Variants in TESK2 observed in about 807,000 individuals in gnomAD.
TESK2 encodes the protein testis associated actin remodelling kinase 2, also known as dual specificity testis-specific protein kinase 2.
TESK2 carries 39 observed loss-of-function variants against 57.1 expected under a neutral mutation model. That is an observed-to-expected ratio of 0.68 (90% confidence interval 0.53 to 0.89). TESK2 has a LOEUF of 0.89. Ranked by LOEUF, TESK2 falls within the 40% of genes least tolerant of loss-of-function variation. The pLI is 0.00. For missense variants in TESK2, 646 were observed against 732.1 expected (o/e 0.88, Z 1.36); for synonymous variants, 249 against 267.9 (o/e 0.93, Z 0.69).
chr1:45,415,352 G>T, intron 3 of TESK2: 1 of 1,037,812 alleles, frequency 9.6e-7, no homozygotes. Context: ...TAATAAATTT[G>T]ACTTGTGTTT....
rs549182244 is a variant in TESK2 at position 45,425,684 on chromosome 1, A to T, written c.223-3838T>A. ...AAACAAAAAAGTTCTCTACAATGAA[A>T]GTTATAAAACATTGATGTAAGAAAC... On this transcript the variant is annotated intron_variant, in intron 2 of 10. Coordinates refer to ENST00000372086, the MANE Select transcript of TESK2 (RefSeq NM_007170.3). 8.1e-4 allele frequency among the ~76,000 whole-genome samples: 123 copies of T among 152,212 alleles called. 1 individual carries two copies. Among genetic ancestry groups the T allele is most frequent in the African/African-American group, 1.0e-3 (43 of 41,542 alleles).
At chr1:45,484,432 C>T (rs1046878873) in intron 1 of TESK2, among the ~76,000 whole-genome samples, 7 of 151,842 alleles carry the variant, frequency 4.6e-5, no homozygotes, top group Admixed American at 3.3e-4. Flanking sequence ...TGTAAGCATT[C>T]GCCTAAAGAA....
At chr1:45,393,081 T>C (rs1195646614) in intron 3 of TESK2, among the ~76,000 whole-genome samples, 1 of 152,178 alleles carries the variant, frequency 6.6e-6, no homozygotes, top group Non-Finnish European at 1.5e-5. Context: ...AGTCAGGCAA[T>C]AGGATTCTAC....
In TESK2 at chr1:45,471,554, C is replaced by T. The variant is rs550049326; in HGVS notation, c.-86-13683G>A. Among the ~76,000 whole-genome samples, 9 of 152,004 alleles carry T rather than the reference C, an allele frequency of 5.9e-5. No individual in the cohort carries two copies. In the South Asian group the frequency reaches 1.5e-3, roughly 25 times the overall value. ...CCGAGTGGCTGGGACTACAGGCACG[C>T]ACCACTATGCCCAGATAATTTTTTT... On this transcript the variant is annotated intron_variant, in intron 1 of 10. Transcript: ENST00000372086.
intron 2 of TESK2, among the ~76,000 whole-genome samples, chr1:45,446,139 G>A (rs1251809324): frequency 2.0e-5 from 3 of 148,096 alleles, no homozygotes; most frequent in Non-Finnish European, 4.5e-5. Context: ...CACTTAAGCT[G>A]TTTCAAAGCA....
chr1:45,478,807 T>A (rs774234638), intron 1 of TESK2, among the ~76,000 whole-genome samples: 2 of 151,576 alleles, frequency 1.3e-5, no homozygotes, highest in Non-Finnish European at 2.9e-5. Flanking sequence ...CACTGCAACC[T>A]CTGCCTCCTG....
In TESK2 at chr1:45,449,005, A is replaced by G. The variant is rs539974354; in HGVS notation, c.222+8559T>C. ...GGTGGAAGGCTGAGGCAGGTGGATCACAAGGTCAGGAGTTCAAGACCAGCC... is the reference window on the plus strand; with the variant it reads ...GGTGGAAGGCTGAGGCAGGTGGATCGCAAGGTCAGGAGTTCAAGACCAGCC... On this transcript the variant is annotated intron_variant, in intron 2 of 10. Coordinates refer to ENST00000372086, the MANE Select transcript of TESK2 (RefSeq NM_007170.3). 9.9e-5 allele frequency among the ~76,000 whole-genome samples: 15 copies of G among 152,170 alleles called. No individual in the cohort carries two copies. The East Asian group carries it at 2.7e-3, about 27-fold the overall frequency.
intron 1 of TESK2, among the ~76,000 whole-genome samples, chr1:45,464,828 C>T (rs895669861): frequency 6.6e-6 from 1 of 152,212 alleles, no homozygotes; most frequent in Non-Finnish European, 1.5e-5. Flanking sequence ...TGGCAGGGCA[C>T]AGTGGCTAAC....
chr1:45,457,881 T>C lies in TESK2; in HGVS notation c.-86-10A>G, dbSNP rs767280473. On this transcript the variant is annotated splice_polypyrimidine_tract_variant and intron_variant, in intron 1 of 10. Coordinates refer to ENST00000372086, the MANE Select transcript of TESK2 (RefSeq NM_007170.3). Reference sequence around the variant, plus strand: ...CTCTTCTGGTTTGACACTAAAGAGATCAAAAAAATTTCCACTGAAATCTTT... The same window carrying C: ...CTCTTCTGGTTTGACACTAAAGAGACCAAAAAAATTTCCACTGAAATCTTT... The C allele has an allele frequency of 2.9e-5, 29 of 1,012,250 alleles. No homozygotes were observed. The highest frequency in any genetic ancestry group is 3.9e-5 in the Non-Finnish European group (27 of 691,148). The allele number at this position is 1,012,250 out of a possible 1,614,324, so 62.7% of individuals were successfully genotyped here. A position where few individuals can be genotyped will look rare whatever the true frequency, so the allele number is the denominator to read the frequency against.
At chr1:45,349,755 C>T (rs1647205684) in intron 5 of TESK2, among the ~76,000 whole-genome samples, 1 of 152,254 alleles carries the variant, frequency 6.6e-6, no homozygotes, top group African/African-American at 2.4e-5. Context: ...GCCTCTGTAT[C>T]TGTAACCTAG....
intron 3 of TESK2, among the ~76,000 whole-genome samples, chr1:45,414,431 T>C (rs1650157446): frequency 1.3e-5 from 2 of 152,156 alleles, no homozygotes; most frequent in Non-Finnish European, 2.9e-5. Context: ...ATTTGTGGGC[T>C]TATTGGGAAG....
chr1:45,387,515 T>G (rs1446776723), intron 3 of TESK2, among the ~76,000 whole-genome samples: 1 of 151,554 alleles, frequency 6.6e-6, no homozygotes, highest in Non-Finnish European at 1.5e-5. Flanking sequence ...ACAAGCAGAG[T>G]GTAAGGCACA....
At chr1:45,453,222 C>T (rs1450300014) in intron 2 of TESK2, among the ~76,000 whole-genome samples, 1 of 151,352 alleles carries the variant, frequency 6.6e-6, no homozygotes, top group East Asian at 1.9e-4. Flanking sequence ...TGCTGTGTGT[C>T]TGTAGTCCCA....
intron 1 of TESK2, among the ~76,000 whole-genome samples, chr1:45,485,724 T>C (rs1174939445): frequency 1.3e-5 from 2 of 150,510 alleles, no homozygotes; most frequent in Non-Finnish European, 3.0e-5. Flanking sequence ...TTTCACCATC[T>C]TGGCCAGGCT....
chr1:45,444,132 T>A (rs1651558018), intron 2 of TESK2, among the ~76,000 whole-genome samples: 1 of 149,548 alleles, frequency 6.7e-6, no homozygotes, highest in African/African-American at 2.5e-5. Flanking sequence ...TGAGTTATGA[T>A]CATGCTACTG....
chr1:45,462,552 G>A (rs1462214265), intron 1 of TESK2, among the ~76,000 whole-genome samples: 1 of 152,188 alleles, frequency 6.6e-6, no homozygotes, highest in Admixed American at 6.5e-5. Context: ...GATTACAGGC[G>A]TGAGCCACCG....
chr1:45,460,634 G>A (rs1570753254), intron 1 of TESK2, among the ~76,000 whole-genome samples: 1 of 152,078 alleles, frequency 6.6e-6, no homozygotes, highest in East Asian at 1.9e-4. Flanking sequence ...GCTCACTGCA[G>A]CCTCAAACTC....
In TESK2 at chr1:45,345,876, C is replaced by A. The variant is rs371488726; in HGVS notation, c.997+1G>T. 7.4e-6 allele frequency: 12 copies of A among 1,612,910 alleles called. No individual in the cohort carries two copies. The highest frequency in any genetic ancestry group is 1.0e-5 in the Non-Finnish European group (12 of 1,179,078). ...TTGGGCTCCCTGGTCTAATCTCTTA[C>A]CCCTGGCTGTGGGCTGCAGCTTCCT... On this transcript the variant is annotated splice_donor_variant, in intron 10 of 10. Coordinates refer to ENST00000372086, the MANE Select transcript of TESK2 (RefSeq NM_007170.3). LOFTEE classifies it high-confidence loss of function.
chr1:45,431,534 C>T (rs966990882), intron 2 of TESK2, among the ~76,000 whole-genome samples: 4 of 152,134 alleles, frequency 2.6e-5, no homozygotes, highest in African/African-American at 9.7e-5. Context: ...GGAACAAAGA[C>T]ATGATGCGCA....
Sources: allele counts gnomAD v4.1 joint callset (sites outside exome capture counted in the v4.1 genomes callset), GRCh38; gene constraint gnomAD v4.1.1; transcripts MANE v1.5; gene names NCBI Gene and HGNC (gene_info 2026-07-23, HGNC 2026-07-21).